The following CFHR4 variants were observed in gnomAD, a reference collection of about 807,000 sequenced individuals.
CFHR4 encodes complement factor H related 4, also known as complement factor H-related protein 4.
A neutral mutation model predicts 69.3 loss-of-function variants in CFHR4; 64 were observed. The observed-to-expected ratio is 0.92, with a 90% confidence interval of 0.76 to 1.14. CFHR4 has a LOEUF of 1.14. CFHR4 is among the 50% of genes most tolerant of loss of function. CFHR4 has a pLI of 0.00. For synonymous variants in CFHR4, 244 were observed against 237.0 expected (o/e 1.03, Z -0.27); for missense variants, 636 against 684.9 (o/e 0.93, Z 0.80).
chr1:196,910,171 G>GAA (rs371367197), intron 5 of CFHR4, 110 bp from the exon 6 acceptor site: 345 of 485,638 alleles, frequency 7.1e-4, no homozygotes, highest in South Asian at 9.1e-4. Context: ...AAAAAGTAAA[G>GAA]AAAAAAAAAA....
intron 1 of CFHR4, among the ~76,000 whole-genome samples, chr1:196,900,586 A>G (rs186102258): frequency 2.0e-5 from 3 of 151,472 alleles, no homozygotes; most frequent in Admixed American, 1.3e-4. Flanking sequence ...TCTCTGCTCT[A>G]CCACTTAATG....
intron 6 of CFHR4, 23 bp downstream of exon 6, chr1:196,910,501 A>G (rs1658202852): frequency 1.3e-6 from 2 of 1,578,482 alleles, no homozygotes; most frequent in South Asian, 1.1e-5. Context: ...CTTTACAACA[A>G]TATGTGCATA....
At chr1:196,906,692 A>G (rs1489001321) in intron 3 of CFHR4, among the ~76,000 whole-genome samples, 169 bp from the exon 4 acceptor site, 3 of 151,428 alleles carry the variant, frequency 2.0e-5, no homozygotes, top group Non-Finnish European at 4.4e-5. Context: ...TTCTCTTGTA[A>G]TTAACTGTTA....
At chr1:196,897,659 A>C (rs1049572689) in intron 1 of CFHR4, among the ~76,000 whole-genome samples, 1 of 151,370 alleles carries the variant, frequency 6.6e-6, no homozygotes, top group Non-Finnish European at 1.5e-5. Context: ...CCCCTAGCGG[A>C]ACTCATTTCC....
intron 1 of CFHR4, among the ~76,000 whole-genome samples, chr1:196,894,763 T>G (rs1657200616): frequency 6.6e-6 from 1 of 151,364 alleles, no homozygotes; most frequent in Non-Finnish European, 1.5e-5. Context: ...TTTAAAAATT[T>G]GATTATGACC....
At chr1:196,911,387 T>G (rs1658262801) in intron 6 of CFHR4, among the ~76,000 whole-genome samples, 1 of 151,460 alleles carries the variant, frequency 6.6e-6, no homozygotes, top group Non-Finnish European at 1.5e-5. Context: ...TCATGCTAAA[T>G]GCATTGATTT....
intron 1 of CFHR4, among the ~76,000 whole-genome samples, chr1:196,888,547 T>G (rs1316140499): frequency 6.6e-6 from 1 of 151,324 alleles, no homozygotes; most frequent in East Asian, 1.9e-4. Flanking sequence ...CAGAATTTTC[T>G]TATTCATAAT....
chr1:196,910,453 G>A lies in CFHR4; in HGVS notation c.972G>A (p.Gly324=). 6.2e-7 allele frequency: 1 copy of A among 1,612,598 alleles called. No individual in the cohort carries two copies. The highest frequency in any genetic ancestry group is 8.5e-7 in the Non-Finnish European group (1 of 1,179,520). ...YWDYIHCTQD[G]WLPTVPCLRT... ...ATTACATTCACTGCACACAAGATGG[G>A]TGGTTGCCAACAGTCCCATGCCTCA... Residue 324 remains glycine (G), a synonymous_variant, in exon 6 of 10, where the codon GGG becomes GGA. Transcript: ENST00000608469.
At chr1:196,898,072 T>C (rs1024974529) in intron 1 of CFHR4, among the ~76,000 whole-genome samples, 1 of 151,434 alleles carries the variant, frequency 6.6e-6, no homozygotes, top group African/African-American at 2.4e-5. Flanking sequence ...AGCAAGAATG[T>C]ACTTTATTTT....
rs780179186 is a variant in CFHR4, at chr1:196,910,247, C to T, written c.800-34C>T. ...TATATCATTGTCTGTTACAGTGAAA[C>T]ATTATTTATACTATTTTTGTTTTTT... On this transcript the variant is annotated intron_variant, in intron 5 of 9. Transcript: ENST00000608469. 1.4e-5 allele frequency: 18 copies of T among 1,278,400 alleles called. No homozygotes were observed. In the East Asian group the frequency reaches 4.2e-4, roughly 30 times the overall value. The allele number at this position is 1,278,400 out of a possible 1,614,324, so 79.2% of individuals were successfully genotyped here. A position where few individuals can be genotyped will look rare whatever the true frequency, so the allele number is the denominator to read the frequency against.
intron 1 of CFHR4, among the ~76,000 whole-genome samples, chr1:196,895,333 G>A (rs933075767): frequency 6.6e-6 from 1 of 151,358 alleles, no homozygotes; most frequent in African/African-American, 2.4e-5. Flanking sequence ...TTTATTGAGG[G>A]TCTCTATTAA....
At chr1:196,894,952 C>T (rs897390923) in intron 1 of CFHR4, among the ~76,000 whole-genome samples, 1 of 151,216 alleles carries the variant, frequency 6.6e-6, no homozygotes, top group African/African-American at 2.4e-5. Flanking sequence ...CCCAGCTACT[C>T]AAGAGGCTGA....
Position 196,918,454 on chromosome 1 carries a change from T to C in CFHR4, c.*48T>C. ...TATGTCCAACTTCCACTTCTCACTC[T>C]TATGGTCTCAAAGCTTGCAAAGATA... On this transcript the variant is annotated 3_prime_UTR_variant, in exon 10 of 10. Transcript: ENST00000608469. 6.5e-7 allele frequency: 1 copy of C among 1,530,018 alleles called. No homozygotes were observed. Among genetic ancestry groups the C allele is most frequent in the Non-Finnish European group, 9.0e-7 (1 of 1,106,262 alleles). 94.8% of individuals were successfully genotyped at this position (1,530,018 alleles called of 1,614,324 possible).
intron 1 of CFHR4, among the ~76,000 whole-genome samples, chr1:196,888,791 TACTTA>T (rs1656867666): frequency 6.6e-6 from 1 of 151,450 alleles, no homozygotes; most frequent in African/African-American, 2.4e-5. Flanking sequence ...GCAGAATATA[TACTTA>T]ACTTACATTG....
chr1:196,902,367 A>T (rs1024641945), intron 1 of CFHR4, 51 bp from the exon 2 acceptor site: 1 of 1,213,544 alleles, frequency 8.2e-7, no homozygotes. Context: ...ATATATGATT[A>T]TCTGTTATAG....
rs1338602685 is a variant in CFHR4 at position 196,914,766 on chromosome 1, C to T, written c.1357+95C>T. 5 of 1,356,442 alleles carry T rather than the reference C, an allele frequency of 3.7e-6. No individual in the cohort carries two copies. In the African/African-American group the frequency reaches 6.2e-5, roughly 17 times the overall value. 84.0% of individuals were successfully genotyped at this position (1,356,442 alleles called of 1,614,324 possible). ...ACACATATGTGTGTACATATATGTA[C>T]ATATATATGTAGTCCTCCTATGAGT... On this transcript the variant is annotated intron_variant, in intron 8 of 9. Transcript: ENST00000608469.
rs1310997160 is a variant in CFHR4 at position 196,905,266 on chromosome 1, T to C, written c.415T>C (p.Trp139Arg). Residue 139 changes from tryptophan (W) to arginine (R), a missense_variant, in exon 3 of 10, where the codon TGG becomes CGG. Physicochemically the swap from Trp to Arg is moderately radical, Grantham distance 101 (BLOSUM62 -3). Around this residue, in one of 3 missense-constraint regions of CFHR4, gnomAD observed 529 missense variants for 533.2 expected, o/e 0.99. Transcript: ENST00000608469. ...ATCAATTACATGTTTGCAAAATGGA[T>C]GGTCAACACAACCAATTTGCATTAG... is the stretch of plus-strand genomic sequence containing the variant. ...SGSITCLQNG[W>R]STQPICIKFC... The C allele has an allele frequency of 2.5e-6, 4 of 1,611,364 alleles. No homozygotes were observed. The highest frequency in any genetic ancestry group is 3.3e-4 in the Middle Eastern group (2 of 6,046).
At chr1:196,915,364 G>A (rs1343874113) in intron 9 of CFHR4, among the ~76,000 whole-genome samples, 3 of 151,314 alleles carry the variant, frequency 2.0e-5, no homozygotes, top group Admixed American at 6.6e-5. Flanking sequence ...TCGGCCTGGG[G>A]TGGTGGCTCA....
At position 196,910,285 on chromosome 1, in the gene CFHR4, G is replaced by A. The variant is rs1180191698; in HGVS notation, c.804G>A (p.Met268Ile). 1 of 1,580,836 alleles carries A rather than the reference G, an allele frequency of 6.3e-7. No individual in the cohort carries two copies. Among genetic ancestry groups the A allele is most frequent in the Non-Finnish European group, 8.6e-7 (1 of 1,160,466 alleles). Residue 268 changes from methionine to isoleucine, a missense_variant, in exon 6 of 10, where the codon ATG (methionine) becomes ATA (isoleucine). Physicochemically the swap from Met to Ile is conservative, Grantham distance 10 (BLOSUM62 1). Coordinates refer to ENST00000608469, the MANE Select transcript of CFHR4 (RefSeq NM_001201550.3). The part of the protein sequence containing the change: ...DWSEPPRCIS[M>I]KPCEFPEIQH... ...ATTTTTGTTTTTTGTTACAAGCAATGAAACCTTGTGAGTTTCCAGAAATTC... is the reference window on the plus strand; with the variant it reads ...ATTTTTGTTTTTTGTTACAAGCAATAAAACCTTGTGAGTTTCCAGAAATTC...
Sources: gnomAD v4.1 joint callset for allele counts (sites outside exome capture counted in the v4.1 genomes callset) on GRCh38, gnomAD v4.1.1 for gene constraint, gnomAD v4.1.1 regional missense constraint, MANE v1.5 for transcripts, NCBI Gene and HGNC (gene_info 2026-07-23, HGNC 2026-07-21) for gene names.